CDCA5: variants seen among roughly 807,000 people sequenced by gnomAD.
CDCA5 encodes the protein sororin.
Under a neutral mutation model 25.7 loss-of-function variants are expected in CDCA5, and 14 were observed. That is an observed-to-expected ratio of 0.54 (90% CI 0.36 to 0.85). The LOEUF (loss-of-function observed/expected upper bound fraction) is 0.85, where lower values mean the gene tolerates loss of function less well. Ranked by LOEUF, CDCA5 falls within the 40% of genes least tolerant of loss-of-function variation. CDCA5 has a pLI of 0.01. For synonymous variants in CDCA5, 127 were observed against 128.7 expected, an observed-to-expected ratio of 0.99 and a Z score of 0.09; for missense variants, 307 against 324.5, an observed-to-expected ratio of 0.95 and a Z score of 0.41.
At chr11:65,068,012 C>T in intron 3 of CDCA5, 1 of 1,283,350 alleles carries the variant, frequency 7.8e-7, no homozygotes, top group South Asian at 1.2e-5. Flanking sequence ...CTCTCTCTCT[C>T]TCATGCAGCC....
chr11:65,061,512 C>T (rs1165476736), downstream of CDCA5, among the ~76,000 whole-genome samples: 2 of 152,128 alleles, frequency 1.3e-5, no homozygotes, highest in African/African-American at 4.8e-5. Flanking sequence ...CGGTGGCTCA[C>T]GCCTATAATC....
At chr11:65,069,711 T>C (rs536441469) in intron 1 of CDCA5, among the ~76,000 whole-genome samples, 97 of 152,356 alleles carry the variant, frequency 6.4e-4, no homozygotes, top group African/African-American at 2.3e-3. Flanking sequence ...GTAGCTGATT[T>C]ACACCATGAA....
chr11:65,078,499 T>C lies in CDCA5; in HGVS notation c.*608A>G. On this transcript the variant is annotated 3_prime_UTR_variant, in exon 6 of 6. Transcript: ENST00000275517. ...GGTCTGAGACCCAACTAAGGCTCCCTACATCCTTCAAAACTCAGACTCCAC... is the reference window on the plus strand; with the variant it reads ...GGTCTGAGACCCAACTAAGGCTCCCCACATCCTTCAAAACTCAGACTCCAC... 2 of 985,628 alleles carry C rather than the reference T, an allele frequency of 2.0e-6. No individual in the cohort carries two copies. The highest frequency in any genetic ancestry group is 9.4e-5 in the South Asian group (2 of 21,290). The allele number at this position is 985,628 out of a possible 1,614,324, so 61.1% of individuals were successfully genotyped here. A position where few individuals can be genotyped will look rare whatever the true frequency, so the allele number is the denominator to read the frequency against.
downstream of CDCA5, among the ~76,000 whole-genome samples, chr11:65,063,711 C>T (rs1460401591): frequency 3.3e-5 from 5 of 152,238 alleles, no homozygotes; most frequent in Non-Finnish European, 7.4e-5. Flanking sequence ...GGCTGATTTG[C>T]TAACCCAAGC....
downstream of CDCA5, among the ~76,000 whole-genome samples, chr11:65,064,150 G>A (rs1023473745): frequency 3.3e-5 from 5 of 152,292 alleles, no homozygotes; most frequent in East Asian, 9.6e-4. Context: ...CGGGTGCAGT[G>A]GCTCACACCT....
At chr11:65,075,171 C>T (rs1014640409), downstream of CDCA5, among the ~76,000 whole-genome samples, 2 of 149,782 alleles carry the variant, frequency 1.3e-5, no homozygotes, top group Admixed American at 6.7e-5. Context: ...CTGAGTTGGG[C>T]GGACCACCTG....
intron 2 of CDCA5, 22 bp from the exon 3 acceptor site, chr11:65,083,572 G>C (rs369825874): frequency 6.8e-6 from 11 of 1,614,064 alleles, no homozygotes; most frequent in Admixed American, 3.3e-5. Flanking sequence ...GGATGAACGT[G>C]AGCTCAACAT....
intron 1 of CDCA5, among the ~76,000 whole-genome samples, chr11:65,069,098 G>A (rs932303491): frequency 1.3e-5 from 2 of 152,034 alleles, no homozygotes; most frequent in African/African-American, 2.4e-5. Context: ...AAATTGGCTG[G>A]GCATCGTGGC....
chr11:65,077,730 G>T lies in CDCA5; in HGVS notation c.*1377C>A. 3 of 985,612 alleles carry T rather than the reference G, an allele frequency of 3.0e-6. No individual in the cohort carries two copies. The highest frequency in any genetic ancestry group is 3.6e-6 in the Non-Finnish European group (3 of 830,052). The allele number at this position is 985,612 out of a possible 1,614,324, so 61.1% of individuals were successfully genotyped here. Reference sequence around the variant, plus strand: ...TTGCAGGTCTGACAAACCACAGAGCGTTGAGCAGATGGCCTGGGACTCCCA... The same window carrying T: ...TTGCAGGTCTGACAAACCACAGAGCTTTGAGCAGATGGCCTGGGACTCCCA... On this transcript the variant is annotated 3_prime_UTR_variant, in exon 6 of 6. Coordinates refer to ENST00000275517, the MANE Select transcript of CDCA5 (RefSeq NM_080668.4).
chr11:65,068,260 G>T, intron 2 of CDCA5: 1 of 499,012 alleles, frequency 2.0e-6, no homozygotes. Flanking sequence ...TGTAGGGAAA[G>T]CCTGGTAGGA....
chr11:65,078,391 C>A lies in CDCA5; in HGVS notation c.*716G>T, dbSNP rs1162266204. ...TGCACCCTTTGCTCCAAGCAGCCAGCGCCCTATCAACCTGGCATTTACCAA... is the reference window on the plus strand; with the variant it reads ...TGCACCCTTTGCTCCAAGCAGCCAGAGCCCTATCAACCTGGCATTTACCAA... On this transcript the variant is annotated 3_prime_UTR_variant, in exon 6 of 6. Coordinates refer to ENST00000275517, the MANE Select transcript of CDCA5 (RefSeq NM_080668.4). 1 of 985,024 alleles carries A rather than the reference C, an allele frequency of 1.0e-6. No homozygotes were observed. Among genetic ancestry groups the A allele is most frequent in the South Asian group, 4.7e-5 (1 of 21,290 alleles). 61.0% of individuals were successfully genotyped at this position (985,024 alleles called of 1,614,324 possible).
Position 65,083,709 on chromosome 11 carries a change from ATGGGGCCCT to A in CDCA5, c.52_60del (p.Arg18_Pro20del). The A allele has an allele frequency of 6.2e-7, 1 of 1,613,796 alleles. No individual in the cohort carries two copies. The highest frequency in any genetic ancestry group is 8.5e-7 in the Non-Finnish European group (1 of 1,179,912). The stretch of plus-strand genomic sequence containing the variant: ...GACCTCCGCAGAGGCTTAGTAGGAG[ATGGGGCCCT>A]TGGCCCTGGAAAGAGAAAAAAGTTA... On this transcript the variant is annotated inframe_deletion, in exon 2 of 6. Transcript: ENST00000275517.
downstream of CDCA5, among the ~76,000 whole-genome samples, chr11:65,063,782 C>T (rs901182591): frequency 6.6e-6 from 1 of 152,192 alleles, no homozygotes; most frequent in South Asian, 2.1e-4. Context: ...CACATGGTAG[C>T]CTCCTTTGAC....
chr11:65,076,416 G>A (rs2137109876), downstream of CDCA5, among the ~76,000 whole-genome samples: 1 of 152,224 alleles, frequency 6.6e-6, no homozygotes, highest in South Asian at 2.1e-4. Flanking sequence ...TGCCCAGCCT[G>A]GTTGTCATTT....
chr11:65,068,388 C>T lies in CDCA5; in HGVS notation c.177+100G>A, dbSNP rs372135218. On this transcript the variant is annotated intron_variant, in intron 2 of 6. Transcript: ENST00000525464. The stretch of plus-strand genomic sequence containing the variant: ...CCTGACAGCTGGAAGCTGGGTGTGA[C>T]GACGGGGGTTCAGGCCTCCATTCAG... The T allele has an allele frequency of 1.4e-4, 100 of 719,176 alleles. 1 individual carries two copies. Among genetic ancestry groups the T allele is most frequent in the South Asian group, 1.2e-3 (73 of 61,356 alleles). 44.5% of individuals were successfully genotyped at this position (719,176 alleles called of 1,614,324 possible).
chr11:65,061,230 C>T, the CDCA5 span, among the ~76,000 whole-genome samples: 1 of 152,194 alleles, frequency 6.6e-6, no homozygotes, highest in Non-Finnish European at 1.5e-5. Flanking sequence ...TGGTGAGGCG[C>T]TAAAGCCTCC....
chr11:65,079,363 G>C lies in CDCA5; in HGVS notation c.668C>G (p.Pro223Arg). 6.2e-7 allele frequency: 1 copy of C among 1,614,074 alleles called. No individual in the cohort carries two copies. The highest frequency in any genetic ancestry group is 1.1e-5 in the South Asian group (1 of 91,062). Residue 223 changes from proline to arginine, a missense_variant, in exon 5 of 6, where the codon CCA becomes CGA. Transcript: ENST00000275517. ...CTGCCTCTCACTCACCAAGATCTCTGGCATTTTCTTCTTCTTACGTTTCTG... is the reference window on the plus strand; with the variant it reads ...CTGCCTCTCACTCACCAAGATCTCTCGCATTTTCTTCTTCTTACGTTTCTG... ...EKQKRKKKKM[P>R]EILKTELDEW...
downstream of CDCA5, among the ~76,000 whole-genome samples, chr11:65,063,933 C>T (rs770037805): frequency 2.1e-4 from 32 of 152,186 alleles, no homozygotes; most frequent in Non-Finnish European, 2.2e-4. Flanking sequence ...GCTGCAGGGA[C>T]TGACCTCAGG....
At chr11:65,083,254 T>C in intron 4 of CDCA5, 110 bp downstream of exon 4, 2 of 1,293,074 alleles carry the variant, frequency 1.5e-6, no homozygotes, top group South Asian at 1.2e-5. Flanking sequence ...CAAACTGTTT[T>C]TGCAGTACTG....
Sources: allele counts gnomAD v4.1 joint callset (sites outside exome capture counted in the v4.1 genomes callset), GRCh38; gene constraint gnomAD v4.1.1; transcripts MANE v1.5; gene names NCBI Gene and HGNC (gene_info 2026-07-23, HGNC 2026-07-21).